ANKRD28: variants seen among roughly 807,000 people sequenced by gnomAD.
ANKRD28 encodes serine/threonine-protein phosphatase 6 regulatory ankyrin repeat subunit A.
Under a neutral mutation model 126.5 loss-of-function variants are expected in ANKRD28, and 44 were observed. The ratio of observed to expected loss-of-function variants is 0.35; its 90% CI spans 0.27 to 0.45. The LOEUF is 0.45. Among genes scored for constraint, ANKRD28 ranks in the 20% least tolerant of loss-of-function variants. ANKRD28 has a pLI of 1.00. For synonymous variants in ANKRD28, 442 were observed against 468.5 expected (o/e 0.94, Z 0.73); for missense variants, 1,110 against 1,316.6 (o/e 0.84, Z 2.43).
chr3:15,811,119 T>C (rs2060702191), intron 1 of ANKRD28, among the ~76,000 whole-genome samples: 1 of 152,168 alleles, frequency 6.6e-6, no homozygotes, highest in South Asian at 2.1e-4. Context: ...GAAAAGGAAA[T>C]AACAGCACAC....
chr3:15,851,197 G>A (rs1001552232), intron 1 of ANKRD28, among the ~76,000 whole-genome samples: 8 of 152,058 alleles, frequency 5.3e-5, no homozygotes, highest in Non-Finnish European at 8.8e-5. Context: ...ATATGCACAT[G>A]AAAAGATGCT....
At chr3:15,746,759 C>G (rs2057503276) in intron 4 of ANKRD28, among the ~76,000 whole-genome samples, 1 of 152,138 alleles carries the variant, frequency 6.6e-6, no homozygotes. Flanking sequence ...GGAAAAGTAT[C>G]AATAGGACTG....
chr3:15,765,664 AC>A (rs1340286436), intron 3 of ANKRD28, among the ~76,000 whole-genome samples: 1 of 152,016 alleles, frequency 6.6e-6, no homozygotes, highest in African/African-American at 2.4e-5. Context: ...ACATGGTGAA[AC>A]CCCGTCTCTA....
intron 2 of ANKRD28, among the ~76,000 whole-genome samples, chr3:15,768,159 C>T (rs942170469): frequency 6.6e-6 from 1 of 151,950 alleles, no homozygotes; most frequent in South Asian, 2.1e-4. Context: ...ATTTGGGGGG[C>T]CTCTTACCAT....
At position 15,815,037 on chromosome 3, in the gene ANKRD28, T is replaced by C. The variant is rs994413341; in HGVS notation, c.28-19731A>G. 1.3e-5 allele frequency among the ~76,000 whole-genome samples: 2 copies of C among 151,518 alleles called. No homozygotes were observed. The highest frequency in any genetic ancestry group is 4.8e-5 in the African/African-American group (2 of 41,360). Reference sequence around the variant, plus strand: ...TGACATTCCATTCAAAAATACTGTATTTAATTTCCTAAGAGTAAATATTTG... The same window carrying C: ...TGACATTCCATTCAAAAATACTGTACTTAATTTCCTAAGAGTAAATATTTG... On this transcript the variant is annotated intron_variant, in intron 1 of 27. Transcript: ENST00000399451. This position sits in a 1 kb window ranked among gnomAD's most constrained non-coding sequence, Gnocchi z 4.1.
chr3:15,682,839 T>C (rs41491748), intron 21 of ANKRD28, among the ~76,000 whole-genome samples: 27,266 of 152,170 alleles, frequency 0.18, 3,703 homozygotes, highest in East Asian at 0.58. Flanking sequence ...TAGTCGCTTA[T>C]TGCATATAGC....
Position 15,804,681 on chromosome 3 carries a change from T to G in ANKRD28, c.28-9375A>C, listed in dbSNP as rs140396031. On this transcript the variant is annotated intron_variant, in intron 1 of 27. Transcript: ENST00000399451. ...TGAGACAAGTTGTAGGATGTGGTCA[T>G]TGAGGTGGTTACAGCCAAGTGGAGG... is the stretch of plus-strand genomic sequence containing the variant. Among the ~76,000 whole-genome samples the G allele has an allele frequency of 2.7e-4, 40 of 145,568 alleles. 1 individual carries two copies. Among genetic ancestry groups the G allele is most frequent in the Non-Finnish European group, 4.5e-5 (3 of 67,158 alleles).
chr3:15,803,751 G>C (rs914400772), intron 1 of ANKRD28, among the ~76,000 whole-genome samples: 1 of 116,818 alleles, frequency 8.6e-6, no homozygotes, highest in African/African-American at 3.5e-5. Context: ...GTGCTTATTG[G>C]AGTTTAAGAA....
intron 10 of ANKRD28, among the ~76,000 whole-genome samples, chr3:15,713,000 C>A (rs1052377044): frequency 1.3e-5 from 2 of 152,162 alleles, no homozygotes; most frequent in Middle Eastern, 3.4e-3. Flanking sequence ...TCTTGCAGAG[C>A]ATTAGCAGGA....
At chr3:15,702,757 C>T (rs1318722133) in intron 14 of ANKRD28, among the ~76,000 whole-genome samples, 1 of 152,124 alleles carries the variant, frequency 6.6e-6, no homozygotes, top group Admixed American at 6.5e-5. Flanking sequence ...GGTATTGTCA[C>T]TCCAAGAGGC....
rs1055623507 is a variant in ANKRD28, at chr3:15,830,652, T to G, written c.27+28725A>C. Among the ~76,000 whole-genome samples the G allele has an allele frequency of 6.6e-6, 1 of 151,952 alleles. No homozygotes were observed. The highest frequency in any genetic ancestry group is 1.5e-5 in the Non-Finnish European group (1 of 67,974). On this transcript the variant is annotated intron_variant, in intron 1 of 27. Coordinates refer to the ANKRD28 transcript ENST00000399451. The surrounding 1 kb of genome is among the most constrained non-coding windows in gnomAD (Gnocchi z 4.5). ...TGGTGCCAAAAACACTGGGGACTGCTGCAGTAATGGATTAATTTTGGCCAA... is the reference window on the plus strand; with the variant it reads ...TGGTGCCAAAAACACTGGGGACTGCGGCAGTAATGGATTAATTTTGGCCAA...
At chr3:15,856,959 G>A (rs951653353) in intron 1 of ANKRD28, among the ~76,000 whole-genome samples, 3 of 152,180 alleles carry the variant, frequency 2.0e-5, no homozygotes, top group Admixed American at 2.0e-4. Flanking sequence ...AAAAGCTATG[G>A]CAAGTACCAT....
At chr3:15,689,092 G>C (rs753203969) in intron 18 of ANKRD28, among the ~76,000 whole-genome samples, 3 of 152,152 alleles carry the variant, frequency 2.0e-5, no homozygotes, top group Non-Finnish European at 4.4e-5. Context: ...TATTCCCTGA[G>C]AATACAATCA....
intron 21 of ANKRD28, among the ~76,000 whole-genome samples, chr3:15,680,998 G>A (rs778760574): frequency 1.7e-4 from 26 of 152,038 alleles, no homozygotes; most frequent in Admixed American, 2.0e-4. Context: ...TATTTTTGTA[G>A]GACAATTTCC....
chr3:15,745,078 T>A (rs918683674), intron 4 of ANKRD28, among the ~76,000 whole-genome samples: 27 of 152,194 alleles, frequency 1.8e-4, no homozygotes, highest in Non-Finnish European at 3.5e-4. Context: ...CACTTTTTGA[T>A]GGGATTGTTT....
chr3:15,765,013 A>C (rs3856830), intron 3 of ANKRD28, among the ~76,000 whole-genome samples: 70,823 of 152,066 alleles, frequency 0.47, 19,435 homozygotes, highest in Non-Finnish European at 0.6. Context: ...TCTTCACACA[A>C]AATTTCTCCC....
In ANKRD28 at chr3:15,709,742, G is replaced by C; in HGVS notation, c.1338-6C>G. 1 of 1,550,128 alleles carries C rather than the reference G, an allele frequency of 6.5e-7. No homozygotes were observed. Among genetic ancestry groups the C allele is most frequent in the Non-Finnish European group, 8.7e-7 (1 of 1,145,428 alleles). The stretch of plus-strand genomic sequence containing the variant: ...GGTTTAGGCACTCCAAATTCCTATT[G>C]AGAGAAAATACAGTTAGAAAACTTA... On this transcript the variant is annotated splice_region_variant and splice_polypyrimidine_tract_variant and intron_variant, in intron 12 of 27. Transcript: ENST00000683139.
chr3:15,754,921 A>G (rs185704167), intron 3 of ANKRD28, among the ~76,000 whole-genome samples: 1 of 152,296 alleles, frequency 6.6e-6, no homozygotes, highest in East Asian at 1.9e-4. Context: ...GTTCAAGACC[A>G]GTCTGGCCAA....
Position 15,735,452 on chromosome 3 carries a change from CA to C in ANKRD28, c.597del (p.Phe199LeufsTer20). The C allele has an allele frequency of 6.4e-7, 1 of 1,560,696 alleles. No homozygotes were observed. The highest frequency in any genetic ancestry group is 8.7e-7 in the Non-Finnish European group (1 of 1,151,166). On this transcript the variant is annotated frameshift_variant, in exon 6 of 28. Transcript: ENST00000683139. LOFTEE classifies it high-confidence loss of function. The stretch of plus-strand genomic sequence containing the variant: ...TGGATAGCACGCCTATCTTTCTTGT[CA>C]AAAGCATTAATATTGGCACCTCTAG... ...LLSRGANINA[F>X]DKKDRRAIHW...
Sources: allele counts gnomAD v4.1 joint callset (sites outside exome capture counted in the v4.1 genomes callset), GRCh38; gene constraint gnomAD v4.1.1; non-coding constraint Gnocchi (gnomAD v3.1); transcripts MANE v1.5; gene names NCBI Gene and HGNC (gene_info 2026-07-23, HGNC 2026-07-21).